ECHDC1: variants seen among roughly 807,000 people sequenced by gnomAD.
ECHDC1 encodes the protein ethylmalonyl-CoA decarboxylase 1.
ECHDC1 carries 29 observed loss-of-function variants against 29.7 expected under a neutral mutation model. The ratio of observed to expected loss-of-function variants is 0.98; its 90% CI spans 0.73 to 1.33. ECHDC1 has a LOEUF of 1.33. Among genes scored for constraint, ECHDC1 ranks in the 40% most tolerant of loss-of-function variants. ECHDC1 has a pLI of 0.00. For synonymous variants in ECHDC1, 126 were observed against 123.1 expected (o/e 1.02, Z -0.15); for missense variants, 328 against 350.0 (o/e 0.94, Z 0.50).
chr6:127,296,171 G>A (rs74661403), intron 5 of ECHDC1, among the ~76,000 whole-genome samples: 2,437 of 152,214 alleles, frequency 0.016, 44 homozygotes, highest in Middle Eastern at 0.054. Context: ...AAGATTGATA[G>A]ATATGACTAC....
chr6:127,329,775 T>C (rs1783747709), intron 2 of ECHDC1: 2 of 335,024 alleles, frequency 6.0e-6, no homozygotes, highest in South Asian at 2.3e-5. Context: ...TTTAAATTTT[T>C]TTAAACTATG....
intron 1 of ECHDC1, among the ~76,000 whole-genome samples, chr6:127,335,873 A>T (rs1177418260): frequency 6.6e-6 from 1 of 152,112 alleles, no homozygotes; most frequent in Non-Finnish European, 1.5e-5. Context: ...CAAAACTCAT[A>T]CAGTATAACT....
chr6:127,290,914 G>T (rs62437267), intron 5 of ECHDC1, among the ~76,000 whole-genome samples: 1 of 152,092 alleles, frequency 6.6e-6, no homozygotes. Context: ...TTGAGGATAT[G>T]TGTGCTGGGG....
chr6:127,320,338 G>A (rs531852443), intron 3 of ECHDC1, among the ~76,000 whole-genome samples: 2 of 152,120 alleles, frequency 1.3e-5, no homozygotes, highest in South Asian at 2.1e-4. Context: ...AATTAATCAG[G>A]GTATGGTACA....
intron 5 of ECHDC1, among the ~76,000 whole-genome samples, chr6:127,294,177 T>G (rs186225096): frequency 1.3e-5 from 2 of 152,292 alleles, no homozygotes; most frequent in East Asian, 3.9e-4. Context: ...CATGATGTTA[T>G]ACATTTAAAG....
intron 2 of ECHDC1, 39 bp from the exon 3 acceptor site, chr6:127,327,183 G>A (rs1342254131): frequency 6.3e-7 from 1 of 1,596,956 alleles, no homozygotes; most frequent in Non-Finnish European, 8.5e-7. Flanking sequence ...AATATATGAA[G>A]GTGACTGGAA....
intron 5 of ECHDC1, among the ~76,000 whole-genome samples, chr6:127,300,085 A>G (rs1292673256): frequency 6.6e-6 from 1 of 152,192 alleles, no homozygotes; most frequent in African/African-American, 2.4e-5. Context: ...AAAATCACGT[A>G]ATGACACATT....
intron 1 of ECHDC1, among the ~76,000 whole-genome samples, chr6:127,334,319 A>C (rs747501091): frequency 2.6e-5 from 4 of 152,090 alleles, no homozygotes; most frequent in Non-Finnish European, 5.9e-5. Context: ...AAAACCTCTA[A>C]ATCAACCCAG....
At chr6:127,308,361 G>A (rs746473513) in intron 5 of ECHDC1, among the ~76,000 whole-genome samples, 3 of 152,144 alleles carry the variant, frequency 2.0e-5, no homozygotes, top group Non-Finnish European at 4.4e-5. Flanking sequence ...ATCAGTCAAT[G>A]TGAAACATCA....
At chr6:127,297,068 T>A (rs973511620) in intron 5 of ECHDC1, among the ~76,000 whole-genome samples, 2 of 152,138 alleles carry the variant, frequency 1.3e-5, no homozygotes, top group African/African-American at 4.8e-5. Flanking sequence ...GAAATATTGT[T>A]CCTTACCCAT....
chr6:127,291,759 T>G (rs943875178), intron 5 of ECHDC1, among the ~76,000 whole-genome samples: 27 of 152,134 alleles, frequency 1.8e-4, no homozygotes, highest in African/African-American at 6.3e-4. Context: ...AAACTCAGTC[T>G]TTGACCCGAG....
chr6:127,333,985 T>C (rs1784203656), intron 1 of ECHDC1, among the ~76,000 whole-genome samples: 1 of 152,208 alleles, frequency 6.6e-6, no homozygotes, highest in Non-Finnish European at 1.5e-5. Context: ...TCATCTTTTG[T>C]GAAGTTCCTG....
chr6:127,290,988 T>A (rs1780122397), intron 5 of ECHDC1, among the ~76,000 whole-genome samples: 1 of 151,960 alleles, frequency 6.6e-6, no homozygotes, highest in South Asian at 2.1e-4. Flanking sequence ...AAATGAGCAA[T>A]GCAAAAATCT....
rs547326717 is a variant in ECHDC1 at position 127,339,155 on chromosome 6, T to C, written c.-3+4181A>G. On this transcript the variant is annotated intron_variant, in intron 1 of 5. Transcript: ENST00000454859. The stretch of plus-strand genomic sequence containing the variant: ...ATATTGCATCAGTAGCCACTAACAA[T>C]AATTACAGCCTATAGATATCTGAAA... Among the ~76,000 whole-genome samples, 4 of 152,008 alleles carry C rather than the reference T, an allele frequency of 2.6e-5. No homozygotes were observed. In the East Asian group the frequency reaches 7.7e-4, roughly 29 times the overall value.
intron 5 of ECHDC1, among the ~76,000 whole-genome samples, chr6:127,305,243 C>T (rs1466594712): frequency 6.6e-6 from 1 of 152,102 alleles, no homozygotes; most frequent in Admixed American, 6.6e-5. Context: ...TCAGTGAAAA[C>T]CTTACAGGCC....
intron 3 of ECHDC1, among the ~76,000 whole-genome samples, chr6:127,319,033 C>T (rs1782625469): frequency 6.6e-6 from 1 of 152,206 alleles, no homozygotes; most frequent in Admixed American, 6.5e-5. Context: ...GCTCTTGCTA[C>T]ATTTAGATTA....
At chr6:127,291,985 A>C (rs191442543) in intron 5 of ECHDC1, among the ~76,000 whole-genome samples, 1 of 152,248 alleles carries the variant, frequency 6.6e-6, no homozygotes, top group Admixed American at 6.5e-5. Context: ...TTGTAAGAGG[A>C]GTACTGCCTT....
chr6:127,321,627 T>C (rs1333970663), intron 3 of ECHDC1, among the ~76,000 whole-genome samples: 1 of 152,214 alleles, frequency 6.6e-6, no homozygotes, highest in East Asian at 1.9e-4. Flanking sequence ...TTTTATGCTA[T>C]ATATTTCTTA....
intron 5 of ECHDC1, among the ~76,000 whole-genome samples, chr6:127,291,420 T>A (rs1474929762): frequency 6.6e-6 from 1 of 151,994 alleles, no homozygotes; most frequent in Non-Finnish European, 1.5e-5. Context: ...AAGAAAGTTA[T>A]TGATAGTGGC....
Sources: gnomAD v4.1 joint callset for allele counts (sites outside exome capture counted in the v4.1 genomes callset) on GRCh38, gnomAD v4.1.1 for gene constraint, MANE v1.5 for transcripts, NCBI Gene and HGNC (gene_info 2026-07-23, HGNC 2026-07-21) for gene names.